CMIP: variants seen among roughly 807,000 people sequenced by gnomAD.
CMIP encodes C-Maf-inducing protein.
CMIP carries 13 observed loss-of-function variants against 97.3 expected under a neutral mutation model. The ratio of observed to expected loss-of-function variants is 0.13; its 90% CI spans 0.09 to 0.21. The LOEUF (loss-of-function observed/expected upper bound fraction) is 0.21, where lower values mean the gene tolerates loss of function less well. Among genes scored for constraint, CMIP ranks in the 10% least tolerant of loss-of-function variants. The probability of loss-of-function intolerance (pLI) is 1.00; values close to 1 mark genes in which losing one functional copy is unlikely to be tolerated. For missense variants in CMIP, 847 were observed against 1,024.9 expected (o/e 0.83, Z 2.37); for synonymous variants, 538 against 436.3 (o/e 1.23, Z -2.91).
At chr16:81,661,971 C>T (rs2092551789) in intron 6 of CMIP, among the ~76,000 whole-genome samples, 1 of 152,190 alleles carries the variant, frequency 6.6e-6, no homozygotes, top group Non-Finnish European at 1.5e-5. Context: ...TGTGTGCCCC[C>T]TGGCCCAGGG....
chr16:81,508,268 C>T (rs1487748998), intron 1 of CMIP, among the ~76,000 whole-genome samples: 1 of 152,232 alleles, frequency 6.6e-6, no homozygotes, highest in East Asian at 1.9e-4. Context: ...CTTATCTCCT[C>T]CCCAGAGGCC....
rs1047723731 is a variant in CMIP, at chr16:81,495,892, C to T, written c.300+50351C>T. 6.6e-5 allele frequency among the ~76,000 whole-genome samples: 10 copies of T among 152,228 alleles called. No individual in the cohort carries two copies. In the East Asian group the frequency reaches 1.7e-3, roughly 26 times the overall value. On this transcript the variant is annotated intron_variant, in intron 1 of 20. Transcript: ENST00000537098. Reference sequence around the variant, plus strand: ...ACAGGAAGCTGTCAGTCCTCAGCCTCCTTATCTGTAAAATGCAGTTTGCGA... The same window carrying T: ...ACAGGAAGCTGTCAGTCCTCAGCCTTCTTATCTGTAAAATGCAGTTTGCGA...
chr16:81,590,683 C>A (rs1489178736), intron 1 of CMIP, among the ~76,000 whole-genome samples: 1 of 152,176 alleles, frequency 6.6e-6, no homozygotes, highest in Non-Finnish European at 1.5e-5. Flanking sequence ...GAAATGAGGG[C>A]CTTAGGATGT....
intron 1 of CMIP, among the ~76,000 whole-genome samples, chr16:81,468,919 C>T (rs1322702636): frequency 1.3e-5 from 2 of 152,230 alleles, no homozygotes; most frequent in Non-Finnish European, 2.9e-5. Context: ...AGGGCGGACG[C>T]AGTGAGCTGC....
At chr16:81,466,420 G>A (rs1202174879) in intron 1 of CMIP, among the ~76,000 whole-genome samples, 2 of 152,310 alleles carry the variant, frequency 1.3e-5, no homozygotes, top group East Asian at 3.9e-4. Context: ...TGGAGGCCAG[G>A]GATGTGCAGT....
chr16:81,552,137 C>T (rs941992262), intron 1 of CMIP, among the ~76,000 whole-genome samples: 3 of 152,144 alleles, frequency 2.0e-5, no homozygotes, highest in East Asian at 1.9e-4. Context: ...AGTTGTGTAG[C>T]GGTGGCCTGG....
intron 2 of CMIP, among the ~76,000 whole-genome samples, chr16:81,611,605 C>G (rs1298323457): frequency 1.3e-5 from 2 of 152,142 alleles, no homozygotes; most frequent in East Asian, 1.9e-4. Context: ...CTCTTTCTCT[C>G]TCTTTAGTCC....
At chr16:81,647,934 TAGCCCACCCTCCCCCC>T (rs2092383125) in intron 3 of CMIP, among the ~76,000 whole-genome samples, 1 of 37,602 alleles carries the variant, frequency 2.7e-5, no homozygotes, top group African/African-American at 1.1e-4. Flanking sequence ...CGCAGAGCCG[TAGCCCACCCTCCCCCC>T]GCACCCGCAG....
At chr16:81,509,782 C>A (rs974201255) in intron 1 of CMIP, among the ~76,000 whole-genome samples, 3 of 152,190 alleles carry the variant, frequency 2.0e-5, no homozygotes, top group Non-Finnish European at 4.4e-5. Flanking sequence ...GGGGCTGGGT[C>A]TTAACTGGGA....
intron 2 of CMIP, 143 bp from the exon 3 acceptor site, chr16:81,620,733 C>T: frequency 1.1e-6 from 1 of 924,362 alleles, no homozygotes; most frequent in Non-Finnish European, 1.6e-6. Context: ...CTCAGCTTAG[C>T]ATATCTTTCA....
intron 19 of CMIP, 72 bp from the exon 20 acceptor site, chr16:81,706,942 A>G (rs996211891): frequency 1.5e-6 from 2 of 1,344,920 alleles, no homozygotes; most frequent in Non-Finnish European, 2.1e-6. Context: ...GAGCTCCTCC[A>G]GCTTGGCCAT....
At chr16:81,659,642 A>C (rs541604638) in intron 5 of CMIP, among the ~76,000 whole-genome samples, 5 of 152,316 alleles carry the variant, frequency 3.3e-5, no homozygotes, top group Admixed American at 1.3e-4. Flanking sequence ...TGTGGGTCCC[A>C]CTGAGTGCCT....
chr16:81,628,282 G>A (rs551933637), intron 3 of CMIP, among the ~76,000 whole-genome samples: 15 of 152,216 alleles, frequency 9.9e-5, no homozygotes, highest in Admixed American at 3.9e-4. Context: ...GGCCCCAGGC[G>A]CTTTCTCCAC....
intron 1 of CMIP, among the ~76,000 whole-genome samples, chr16:81,492,736 C>A (rs898134418): frequency 6.6e-6 from 1 of 151,974 alleles, no homozygotes; most frequent in African/African-American, 2.4e-5. Context: ...CAAAAATAGA[C>A]CACGGAAACG....
chr16:81,633,898 C>G (rs1204839475), intron 3 of CMIP, among the ~76,000 whole-genome samples: 1 of 152,228 alleles, frequency 6.6e-6, no homozygotes, highest in Non-Finnish European at 1.5e-5. Flanking sequence ...CTCAGGCAGA[C>G]CATTCATCAT....
chr16:81,559,777 G>A (rs1597560104), intron 1 of CMIP, among the ~76,000 whole-genome samples: 1 of 152,176 alleles, frequency 6.6e-6, no homozygotes, highest in Middle Eastern at 3.4e-3. Context: ...TTGTTATTTT[G>A]TGGTATACTC....
intron 1 of CMIP, among the ~76,000 whole-genome samples, chr16:81,525,969 T>A (rs2090123652): frequency 7.2e-6 from 1 of 138,780 alleles, no homozygotes; most frequent in Non-Finnish European, 1.5e-5. Flanking sequence ...AAAGGTTGAC[T>A]AATAATACGT....
intron 1 of CMIP, among the ~76,000 whole-genome samples, chr16:81,526,417 G>T (rs1434413099): frequency 6.6e-6 from 1 of 152,194 alleles, no homozygotes; most frequent in Non-Finnish European, 1.5e-5. Context: ...GAAATCGCGG[G>T]TGTTTGCATA....
chr16:81,641,409 C>G (rs2092305464), intron 3 of CMIP, among the ~76,000 whole-genome samples: 1 of 152,108 alleles, frequency 6.6e-6, no homozygotes, highest in South Asian at 2.1e-4. Context: ...AGGAAAACAG[C>G]TACATACAAT....
Sources: gnomAD v4.1 joint callset for allele counts (sites outside exome capture counted in the v4.1 genomes callset) on GRCh38, gnomAD v4.1.1 for gene constraint, MANE v1.5 for transcripts, NCBI Gene and HGNC (gene_info 2026-07-23, HGNC 2026-07-21) for gene names.